The following FAT3 variants were observed in gnomAD, a reference collection of about 807,000 sequenced individuals.
The protein encoded by FAT3 is protocadherin Fat 3.
Under a neutral mutation model 310.2 loss-of-function variants are expected in FAT3, and 95 were observed. That is an observed-to-expected ratio of 0.31 (90% confidence interval 0.26 to 0.36). The LOEUF (loss-of-function observed/expected upper bound fraction) is 0.36, where lower values mean the gene tolerates loss of function less well. Among genes scored for constraint, FAT3 ranks in the 10% least tolerant of loss-of-function variants. FAT3 has a pLI of 1.00. For synonymous variants in FAT3, 2,314 were observed against 2,192.9 expected, an observed-to-expected ratio of 1.06 and a Z score of -1.54; for missense variants, 5,408 against 5,715.6, an observed-to-expected ratio of 0.95 and a Z score of 1.74.
At chr11:92,617,071 T>C (rs1831034268) in intron 3 of FAT3, among the ~76,000 whole-genome samples, 1 of 152,204 alleles carries the variant, frequency 6.6e-6, no homozygotes, top group Non-Finnish European at 1.5e-5. Flanking sequence ...CTGTAGAGTG[T>C]TTTCCAACTT....
At chr11:92,522,992 C>A (rs1053565242) in intron 2 of FAT3, among the ~76,000 whole-genome samples, 3 of 152,140 alleles carry the variant, frequency 2.0e-5, no homozygotes, top group Admixed American at 6.5e-5. Flanking sequence ...CTTCGGCACA[C>A]ACTGGACAAC....
chr11:92,284,450 A>C (rs979029897), intron 1 of FAT3, among the ~76,000 whole-genome samples: 3 of 152,128 alleles, frequency 2.0e-5, no homozygotes, highest in African/African-American at 7.2e-5. Context: ...TTAGGACTCC[A>C]TCTATTAGAT....
At chr11:92,508,204 C>T (rs1049790269) in intron 2 of FAT3, among the ~76,000 whole-genome samples, 1 of 152,018 alleles carries the variant, frequency 6.6e-6, no homozygotes, top group African/African-American at 2.4e-5. Flanking sequence ...TTAAATTTTG[C>T]TATTTTGGTC....
At position 92,798,290 on chromosome 11, in the gene FAT3, T is replaced by G. The variant is rs770291436; in HGVS notation, c.5277T>G (p.Ile1759Met). Residue 1759 changes from isoleucine (I) to methionine (M), a missense_variant, in exon 10 of 28, where the codon ATT becomes ATG. Ile to Met is a conservative substitution (Grantham distance 10). Coordinates refer to ENST00000525166, the MANE Select transcript of FAT3 (RefSeq NM_001367949.2). ...CCAATGCTACAGTCAATATTCAGAT[T>G]GTTGATGAAAATGATAATGCCCCAG... ...MASNATVNIQIVDENDNAPVF... is the reference protein window; with the variant it reads ...MASNATVNIQMVDENDNAPVF... 3 of 1,613,844 alleles carry G rather than the reference T, an allele frequency of 1.9e-6. No individual in the cohort carries two copies. Among genetic ancestry groups the G allele is most frequent in the South Asian group, 2.2e-5 (2 of 91,076 alleles).
chr11:92,350,381 A>G (rs1948532332), intron 1 of FAT3, among the ~76,000 whole-genome samples: 1 of 151,724 alleles, frequency 6.6e-6, no homozygotes. Flanking sequence ...TTTGCAGCCA[A>G]TAACTAGAAC....
intron 13 of FAT3, among the ~76,000 whole-genome samples, chr11:92,820,326 T>A (rs34002809): frequency 0.015 from 2,211 of 152,218 alleles, 26 homozygotes; most frequent in Middle Eastern, 0.034. Context: ...TGTAGAGAGA[T>A]CTGTCTTTCT....
intron 3 of FAT3, among the ~76,000 whole-genome samples, chr11:92,587,876 C>A (rs1486619414): frequency 2.6e-5 from 4 of 151,954 alleles, no homozygotes; most frequent in East Asian, 1.9e-4. Flanking sequence ...CATGTTAAGC[C>A]TTTTCCTGCC....
chr11:92,754,956 A>G (rs948337223), intron 4 of FAT3, among the ~76,000 whole-genome samples: 2 of 152,132 alleles, frequency 1.3e-5, no homozygotes, highest in Admixed American at 6.5e-5. Context: ...TGTTAACTCA[A>G]ATAGAAAGAT....
chr11:92,261,083 T>A (rs904299068), intron 1 of FAT3, among the ~76,000 whole-genome samples: 4 of 152,214 alleles, frequency 2.6e-5, no homozygotes, highest in African/African-American at 9.6e-5. Context: ...GCTGTGACAA[T>A]GTACTACTTC....
chr11:92,355,435 G>T, intron 2 of FAT3, 31 bp downstream of exon 2: 2 of 1,572,986 alleles, frequency 1.3e-6, no homozygotes, highest in Non-Finnish European at 1.7e-6. Flanking sequence ...CAAGAGTGTT[G>T]TTTCACCTCT....
At chr11:92,532,570 T>A (rs1442347925) in intron 3 of FAT3, among the ~76,000 whole-genome samples, 1 of 152,112 alleles carries the variant, frequency 6.6e-6, no homozygotes, top group Non-Finnish European at 1.5e-5. Context: ...AGAGAAAAAA[T>A]AATAATAATA....
At chr11:92,282,989 T>C (rs1378140688) in intron 1 of FAT3, among the ~76,000 whole-genome samples, 2 of 152,130 alleles carry the variant, frequency 1.3e-5, no homozygotes, top group Admixed American at 1.3e-4. Flanking sequence ...CCAACAGATA[T>C]ACTAAATTGT....
intron 3 of FAT3, among the ~76,000 whole-genome samples, chr11:92,655,310 C>G (rs1291359246): frequency 6.6e-6 from 1 of 152,104 alleles, no homozygotes; most frequent in African/African-American, 2.4e-5. Context: ...TTGATACACT[C>G]TGTATTTCCA....
intron 4 of FAT3, among the ~76,000 whole-genome samples, chr11:92,698,983 C>T (rs575895933): frequency 1.3e-5 from 2 of 152,292 alleles, no homozygotes; most frequent in African/African-American, 4.8e-5. Context: ...GTTTGTGGTG[C>T]AGTGTGACTG....
intron 1 of FAT3, among the ~76,000 whole-genome samples, chr11:92,324,424 A>G (rs1947712462): frequency 6.6e-6 from 1 of 152,192 alleles, no homozygotes; most frequent in Admixed American, 6.5e-5. Context: ...CTGAATTTCA[A>G]TATTGCCATG....
chr11:92,304,691 C>A (rs920866994), intron 1 of FAT3, among the ~76,000 whole-genome samples: 1 of 152,046 alleles, frequency 6.6e-6, no homozygotes, highest in Non-Finnish European at 1.5e-5. Context: ...AAGAGGACAA[C>A]TTACACCTGG....
chr11:92,714,544 G>T (rs760196420), intron 4 of FAT3, among the ~76,000 whole-genome samples: 1 of 152,068 alleles, frequency 6.6e-6, no homozygotes, highest in Admixed American at 6.5e-5. Flanking sequence ...TGATTAAACA[G>T]TTCTGACCAA....
At chr11:92,804,223 C>T (rs910862546) in intron 10 of FAT3, among the ~76,000 whole-genome samples, 32 of 151,958 alleles carry the variant, frequency 2.1e-4, no homozygotes, top group African/African-American at 7.7e-4. Flanking sequence ...CAATGCCTGG[C>T]CCAGGGTATA....
intron 18 of FAT3, among the ~76,000 whole-genome samples, chr11:92,842,148 A>G (rs1948569575): frequency 6.6e-6 from 1 of 152,228 alleles, no homozygotes; most frequent in Admixed American, 6.5e-5. Context: ...AGCTGAAAAT[A>G]TTTATTATCC....
Sources: allele counts gnomAD v4.1 joint callset (sites outside exome capture counted in the v4.1 genomes callset), GRCh38; gene constraint gnomAD v4.1.1; transcripts MANE v1.5; gene names NCBI Gene and HGNC (gene_info 2026-07-23, HGNC 2026-07-21).